The following DPYD variants were observed in gnomAD, a reference collection of about 807,000 sequenced individuals.
The protein encoded by DPYD is dihydropyrimidine dehydrogenase.
DPYD carries 109 observed loss-of-function variants against 116.2 expected under a neutral mutation model. That is an observed-to-expected ratio of 0.94 (90% confidence interval 0.80 to 1.10). DPYD has a LOEUF of 1.10. Ranked by LOEUF, DPYD falls within the 50% of genes least tolerant of loss-of-function variation. DPYD has a pLI of 0.00. For missense variants in DPYD, 1,302 were observed against 1,254.5 expected (o/e 1.04, Z -0.57); for synonymous variants, 440 against 432.0 (o/e 1.02, Z -0.23).
At chr1:97,761,231 C>A (rs1401253253) in intron 3 of DPYD, among the ~76,000 whole-genome samples, 1 of 151,934 alleles carries the variant, frequency 6.6e-6, no homozygotes. Context: ...CACAAAATTT[C>A]TAAAATGATA....
At chr1:97,364,518 A>AT (rs1670921860) in intron 16 of DPYD, among the ~76,000 whole-genome samples, 1 of 152,202 alleles carries the variant, frequency 6.6e-6, no homozygotes, top group Non-Finnish European at 1.5e-5. Flanking sequence ...CTTTAAATTG[A>AT]TTTTTCCTTA....
intron 20 of DPYD, among the ~76,000 whole-genome samples, chr1:97,140,444 A>T (rs887390706): frequency 6.6e-6 from 1 of 152,110 alleles, no homozygotes; most frequent in Non-Finnish European, 1.5e-5. Flanking sequence ...CACCAGGGAG[A>T]CAGAATGGGA....
chr1:97,268,412 T>C (rs1168574415), intron 18 of DPYD, among the ~76,000 whole-genome samples: 1 of 152,174 alleles, frequency 6.6e-6, no homozygotes, highest in East Asian at 1.9e-4. Flanking sequence ...CTGCTGTGCA[T>C]TGCCCTAGTA....
chr1:97,544,658 A>G (rs567965090), intron 12 of DPYD, among the ~76,000 whole-genome samples: 79 of 142,508 alleles, frequency 5.5e-4, no homozygotes, highest in African/African-American at 1.9e-3. Context: ...GTTACAAGAC[A>G]ACAGTGAAAT....
At chr1:97,301,389 GAACA>G (rs1363606645) in intron 18 of DPYD, among the ~76,000 whole-genome samples, 3 of 151,902 alleles carry the variant, frequency 2.0e-5, no homozygotes, top group Non-Finnish European at 4.4e-5. Context: ...GGTGAAAATA[GAACA>G]AATTTGGCAA....
chr1:97,918,853 T>C (rs1674359020), intron 1 of DPYD, among the ~76,000 whole-genome samples: 1 of 152,200 alleles, frequency 6.6e-6, no homozygotes, highest in Admixed American at 6.5e-5. Flanking sequence ...ATTTTTAAAA[T>C]ATTACTTGCT....
At chr1:97,260,827 C>T (rs928443611) in intron 18 of DPYD, among the ~76,000 whole-genome samples, 14 of 151,950 alleles carry the variant, frequency 9.2e-5, no homozygotes, top group Admixed American at 2.6e-4. Context: ...ATATAATGTA[C>T]GAAATCTAAA....
At chr1:97,684,223 G>C (rs970899546) in intron 7 of DPYD, among the ~76,000 whole-genome samples, 13 of 152,096 alleles carry the variant, frequency 8.5e-5, no homozygotes, top group African/African-American at 2.9e-4. Context: ...CAGAGATTCT[G>C]GTACATTGTC....
At chr1:97,889,898 T>C (rs1672693472) in intron 1 of DPYD, among the ~76,000 whole-genome samples, 1 of 151,950 alleles carries the variant, frequency 6.6e-6, no homozygotes, top group Admixed American at 6.6e-5. Flanking sequence ...TCATACAAAA[T>C]AGTTCTCCCT....
chr1:97,766,893 T>C (rs1170794677), intron 3 of DPYD, among the ~76,000 whole-genome samples: 2 of 152,172 alleles, frequency 1.3e-5, no homozygotes, highest in African/African-American at 2.4e-5. Flanking sequence ...AAATAGAACA[T>C]TTCTTCAGAA....
intron 8 of DPYD, among the ~76,000 whole-genome samples, chr1:97,662,964 C>T (rs1247452778): frequency 3.9e-5 from 6 of 152,126 alleles, no homozygotes; most frequent in South Asian, 4.1e-4. Flanking sequence ...TATGTAATCT[C>T]GTCAATGCCA....
chr1:97,479,872 G>A (rs1393538855), intron 13 of DPYD, among the ~76,000 whole-genome samples: 2 of 152,176 alleles, frequency 1.3e-5, no homozygotes, highest in Non-Finnish European at 2.9e-5. Flanking sequence ...ATGGGATCCT[G>A]ATATTATTTA....
intron 20 of DPYD, among the ~76,000 whole-genome samples, chr1:97,148,927 A>G (rs757813519): frequency 3.3e-5 from 5 of 152,236 alleles, no homozygotes; most frequent in East Asian, 1.9e-4. Context: ...AAATACCTGC[A>G]TCACTCTAAG....
intron 19 of DPYD, among the ~76,000 whole-genome samples, chr1:97,215,519 A>G (rs1660320504): frequency 6.6e-6 from 1 of 152,026 alleles, no homozygotes; most frequent in Non-Finnish European, 1.5e-5. Flanking sequence ...CTGATTCTCT[A>G]CCTCCCAGGC....
chr1:97,396,125 A>G (rs1672993149), intron 14 of DPYD, among the ~76,000 whole-genome samples: 1 of 152,088 alleles, frequency 6.6e-6, no homozygotes, highest in Non-Finnish European at 1.5e-5. Flanking sequence ...GAACTATTAC[A>G]TGCTGTGTAC....
intron 19 of DPYD, among the ~76,000 whole-genome samples, chr1:97,219,182 C>T (rs1660622545): frequency 6.6e-6 from 1 of 152,010 alleles, no homozygotes; most frequent in Non-Finnish European, 1.5e-5. Flanking sequence ...ACACACAAAG[C>T]AAAACAGTGG....
chr1:97,520,691 G>A (rs1337035606), intron 12 of DPYD, among the ~76,000 whole-genome samples: 2 of 148,982 alleles, frequency 1.3e-5, no homozygotes, highest in African/African-American at 2.5e-5. Flanking sequence ...TGTTCTCATT[G>A]TTCAACTACC....
chr1:97,621,730 C>T (rs1049553243), intron 8 of DPYD, among the ~76,000 whole-genome samples: 5 of 152,008 alleles, frequency 3.3e-5, no homozygotes, highest in African/African-American at 4.8e-5. Flanking sequence ...CTTGGAGAAA[C>T]ACCTGATTCT....
chr1:97,565,703 TCTCTCATTAGCCTATAGGTC>T (rs1652470460), intron 11 of DPYD, among the ~76,000 whole-genome samples: 1 of 152,178 alleles, frequency 6.6e-6, no homozygotes, highest in Non-Finnish European at 1.5e-5. Flanking sequence ...CATGTCTATT[TCTCTCATTAGCCTATAGGTC>T]CCTGAAGGGC....
Sources: allele counts gnomAD v4.1 joint callset (sites outside exome capture counted in the v4.1 genomes callset), GRCh38; gene constraint gnomAD v4.1.1; transcripts MANE v1.5; gene names NCBI Gene and HGNC (gene_info 2026-07-23, HGNC 2026-07-21).